SNX13: variants seen among roughly 807,000 people sequenced by gnomAD.
The protein encoded by SNX13 is sorting nexin-13.
In SNX13, 45 loss-of-function variants were observed where a neutral mutation model predicts 133.6. The observed-to-expected ratio is 0.34, with a 90% CI of 0.27 to 0.43. The LOEUF (loss-of-function observed/expected upper bound fraction) is 0.43, where lower values mean the gene tolerates loss of function less well. Ranked by LOEUF, SNX13 falls within the 20% of genes least tolerant of loss-of-function variation. The probability of loss-of-function intolerance (pLI) is 1.00; values close to 1 mark genes in which losing one functional copy is unlikely to be tolerated. For missense variants in SNX13, 1,032 were observed against 1,145.1 expected (o/e 0.90, Z 1.43); for synonymous variants, 414 against 373.9 (o/e 1.11, Z -1.24).
At chr7:17,895,315 C>T (rs957494436) in intron 2 of SNX13, among the ~76,000 whole-genome samples, 2 of 151,944 alleles carry the variant, frequency 1.3e-5, no homozygotes, top group Non-Finnish European at 2.9e-5. Context: ...CAACAGAATG[C>T]CACAAAATAA....
chr7:17,837,581 T>C (rs889676297), intron 13 of SNX13, among the ~76,000 whole-genome samples: 3 of 152,018 alleles, frequency 2.0e-5, no homozygotes, highest in South Asian at 2.1e-4. Flanking sequence ...GTTTGGTAGG[T>C]AGATCAACTG....
At chr7:17,889,120 C>T (rs1796337898) in intron 5 of SNX13, 1 of 158,654 alleles carries the variant, frequency 6.3e-6, no homozygotes, top group Non-Finnish European at 1.4e-5. Context: ...ACCTAACACT[C>T]AATAATGGTG....
At chr7:17,848,645 A>G (rs1583465894) in intron 11 of SNX13, among the ~76,000 whole-genome samples, 1 of 152,020 alleles carries the variant, frequency 6.6e-6, no homozygotes, top group South Asian at 2.1e-4. Flanking sequence ...CCACCCACTC[A>G]CCTGGGTGCT....
At chr7:17,853,096 A>T (rs942558336) in intron 9 of SNX13, among the ~76,000 whole-genome samples, 1 of 152,186 alleles carries the variant, frequency 6.6e-6, no homozygotes, top group Non-Finnish European at 1.5e-5. Flanking sequence ...AAATTTAATG[A>T]TTGCAAGGCA....
chr7:17,807,649 G>A (rs1785468667), intron 20 of SNX13, among the ~76,000 whole-genome samples: 1 of 152,170 alleles, frequency 6.6e-6, no homozygotes, highest in Non-Finnish European at 1.5e-5. Flanking sequence ...GTGGGTCCCT[G>A]AGCCCCATGC....
At chr7:17,873,434 T>G in intron 8 of SNX13, 94 bp downstream of exon 8, 1 of 532,410 alleles carries the variant, frequency 1.9e-6, no homozygotes, top group Non-Finnish European at 3.0e-6. Context: ...CTTCAATAAT[T>G]TTTAAGAGTG....
chr7:17,813,438 T>C (rs1264107820), intron 20 of SNX13, among the ~76,000 whole-genome samples: 1 of 152,182 alleles, frequency 6.6e-6, no homozygotes, highest in Non-Finnish European at 1.5e-5. Flanking sequence ...CTAGAACTTA[T>C]TATTAAAAGA....
At chr7:17,851,281 G>A (rs187038705) in intron 9 of SNX13, among the ~76,000 whole-genome samples, 203 of 152,226 alleles carry the variant, frequency 1.3e-3, no homozygotes, top group African/African-American at 4.5e-3. Flanking sequence ...AGCAATGGAG[G>A]GCAAATCTTC....
At chr7:17,893,279 T>A in intron 3 of SNX13, 53 bp downstream of exon 3, 1 of 1,214,802 alleles carries the variant, frequency 8.2e-7, no homozygotes, top group Non-Finnish European at 1.2e-6. Flanking sequence ...ATTACTCTAT[T>A]ATCATTGCAA....
At chr7:17,842,494 T>C (rs1790015874) in intron 12 of SNX13, among the ~76,000 whole-genome samples, 1 of 152,050 alleles carries the variant, frequency 6.6e-6, no homozygotes, top group African/African-American at 2.4e-5. Context: ...GATAGTAACT[T>C]AGTACTTTGA....
At chr7:17,927,570 G>T (rs1048845612) in intron 1 of SNX13, among the ~76,000 whole-genome samples, 10 of 152,032 alleles carry the variant, frequency 6.6e-5, no homozygotes, top group African/African-American at 2.2e-4. Context: ...TGACTGTCCA[G>T]GTTTCTCAAT....
At chr7:17,809,012 G>A (rs1785656790) in intron 20 of SNX13, among the ~76,000 whole-genome samples, 1 of 152,112 alleles carries the variant, frequency 6.6e-6, no homozygotes, top group South Asian at 2.1e-4. Context: ...ATGCCAAATT[G>A]TAAAGACCAT....
At position 17,803,555 on chromosome 7, in the gene SNX13, C is replaced by G; in HGVS notation, c.2090G>C (p.Arg697Pro). The change falls in exon 21 of 26, where the codon CGC becomes CCC. Residue 697 changes from arginine (R) to proline (P), a missense_variant. Arg to Pro is a moderately radical substitution (Grantham distance 103). Coordinates refer to ENST00000428135, the MANE Select transcript of SNX13 (RefSeq NM_015132.5). ...RKMDTFVNPL[R>P]NSMRNVSNAV... Reference sequence around the variant, plus strand: ...ATTTGAAACATTCCTCATTGAATTGCGAAGTGGATTTACAAAAGTGTCCAT... The same window carrying G: ...ATTTGAAACATTCCTCATTGAATTGGGAAGTGGATTTACAAAAGTGTCCAT... 6.2e-7 allele frequency: 1 copy of G among 1,607,942 alleles called. No individual in the cohort carries two copies. Among genetic ancestry groups the G allele is most frequent in the Non-Finnish European group, 8.5e-7 (1 of 1,177,206 alleles).
At chr7:17,889,020 T>C (rs886853753) in intron 5 of SNX13, 2 of 196,682 alleles carry the variant, frequency 1.0e-5, no homozygotes, top group Non-Finnish European at 2.1e-5. Flanking sequence ...ATTCTTCCTA[T>C]TCTCACCCTT....
chr7:17,894,419 A>G (rs962803814), intron 2 of SNX13, among the ~76,000 whole-genome samples: 1 of 152,148 alleles, frequency 6.6e-6, no homozygotes, highest in African/African-American at 2.4e-5. Flanking sequence ...CTGTTAACCA[A>G]TTCACGTGAG....
At chr7:17,849,200 CCT>C (rs1790911668) in intron 11 of SNX13, among the ~76,000 whole-genome samples, 1 of 152,174 alleles carries the variant, frequency 6.6e-6, no homozygotes, top group African/African-American at 2.4e-5. Context: ...TAAACTTCCT[CCT>C]CTCTCAGTGT....
chr7:17,823,144 TGA>T (rs1787491187), intron 17 of SNX13, among the ~76,000 whole-genome samples: 6 of 152,226 alleles, frequency 3.9e-5, no homozygotes, highest in African/African-American at 1.4e-4. Flanking sequence ...TATGCTACTA[TGA>T]GCCCCTTGCT....
chr7:17,867,884 G>C (rs1036145645), intron 9 of SNX13, among the ~76,000 whole-genome samples: 20 of 151,988 alleles, frequency 1.3e-4, no homozygotes, highest in Non-Finnish European at 2.6e-4. Flanking sequence ...AAAAAAATAG[G>C]GCTTGTGGAC....
intron 5 of SNX13, chr7:17,882,862 C>A: frequency 7.8e-7 from 1 of 1,284,698 alleles, no homozygotes; most frequent in Non-Finnish European, 1.0e-6. Flanking sequence ...TTTTGTTAAA[C>A]AAAACAGGGT....
Sources: gnomAD v4.1 joint callset for allele counts (sites outside exome capture counted in the v4.1 genomes callset) on GRCh38, gnomAD v4.1.1 for gene constraint, MANE v1.5 for transcripts, NCBI Gene and HGNC (gene_info 2026-07-23, HGNC 2026-07-21) for gene names.